The following L3MBTL2 variants were observed in gnomAD, a reference collection of about 807,000 sequenced individuals.
L3MBTL2 encodes lethal(3)malignant brain tumor-like protein 2.
Under a neutral mutation model 86.4 loss-of-function variants are expected in L3MBTL2, and 49 were observed. That is an observed-to-expected ratio of 0.57 (90% CI 0.45 to 0.72). L3MBTL2 has a LOEUF of 0.72. Among genes scored for constraint, L3MBTL2 ranks in the 30% least tolerant of loss-of-function variants. L3MBTL2 has a pLI of 0.00. For synonymous variants in L3MBTL2, 336 were observed against 350.6 expected (o/e 0.96, Z 0.47); for missense variants, 755 against 923.7 (o/e 0.82, Z 2.37).
At position 41,225,719 on chromosome 22, in the gene L3MBTL2, T is replaced by A; in HGVS notation, c.1357-75T>A. ...TGGATCCATTTGCCTCGTGTCCCTA[T>A]TGGGGTGCGGTACCAACCCAGGATG... On this transcript the variant is annotated intron_variant, in intron 11 of 16. Transcript: ENST00000216237. The surrounding 1 kb of genome is among the most constrained non-coding windows in gnomAD (Gnocchi z 4.1). 6.7e-7 allele frequency: 1 copy of A among 1,495,984 alleles called. No individual in the cohort carries two copies. The allele number at this position is 1,495,984 out of a possible 1,614,324, so 92.7% of individuals were successfully genotyped here.
At chr22:41,219,616 G>C (rs972107001) in intron 6 of L3MBTL2, 80 bp downstream of exon 6, 12 of 924,500 alleles carry the variant, frequency 1.3e-5, no homozygotes, top group Non-Finnish European at 2.1e-5. Context: ...TTGTAGGCAG[G>C]AGTTGGCTTC....
At chr22:41,222,103 A>G (rs958918295) in intron 8 of L3MBTL2, among the ~76,000 whole-genome samples, 8 of 147,022 alleles carry the variant, frequency 5.4e-5, no homozygotes, top group African/African-American at 1.8e-4. Flanking sequence ...GGGTTTCACC[A>G]TATTGGCCAG....
intron 2 of L3MBTL2, among the ~76,000 whole-genome samples, chr22:41,213,262 C>T (rs1241735379): frequency 6.6e-6 from 1 of 152,110 alleles, no homozygotes; most frequent in Non-Finnish European, 1.5e-5. Context: ...AGTCCCTTTA[C>T]TATATAGATG....
Position 41,224,278 on chromosome 22 carries a change from C to T in L3MBTL2, c.1174+27C>T, listed in dbSNP as rs368101196. The T allele has an allele frequency of 3.2e-6, 5 of 1,567,030 alleles. No homozygotes were observed. In the African/African-American group the frequency reaches 6.8e-5, roughly 21 times the overall value. On this transcript the variant is annotated intron_variant, in intron 9 of 16. Coordinates refer to ENST00000216237, the MANE Select transcript of L3MBTL2 (RefSeq NM_031488.5). This position sits in a 1 kb window ranked among gnomAD's most constrained non-coding sequence, Gnocchi z 4.9. The stretch of plus-strand genomic sequence containing the variant: ...TTAGCAGAGCCCCAGGCCAGAGGGA[C>T]TGCATGCTGTGCTTCCCCAGGGACG...
intron 3 of L3MBTL2, 147 bp downstream of exon 3, chr22:41,214,173 C>A: frequency 1.4e-6 from 1 of 715,430 alleles, no homozygotes; most frequent in Non-Finnish European, 2.3e-6. Context: ...CTTCAGAGGA[C>A]AGTAGAATCC....
rs1034215156 is a variant in L3MBTL2, at chr22:41,230,591, G to C, written c.*340G>C. 1.5e-5 allele frequency: 5 copies of C among 333,172 alleles called. No homozygotes were observed. The South Asian group carries it at 1.6e-4, about 11-fold the overall frequency. 20.6% of individuals were successfully genotyped at this position (333,172 alleles called of 1,614,324 possible). On this transcript the variant is annotated 3_prime_UTR_variant, in exon 17 of 17. Coordinates refer to ENST00000216237, the MANE Select transcript of L3MBTL2 (RefSeq NM_031488.5). ...CCCCGACCCGCCACGGCCCTCAGTTGCCAGGGATGGGGCCACCACTGTCAC... is the reference window on the plus strand; with the variant it reads ...CCCCGACCCGCCACGGCCCTCAGTTCCCAGGGATGGGGCCACCACTGTCAC...
At chr22:41,210,877 A>T (rs1392146614) in intron 2 of L3MBTL2, among the ~76,000 whole-genome samples, 1 of 152,234 alleles carries the variant, frequency 6.6e-6, no homozygotes, top group Non-Finnish European at 1.5e-5. Flanking sequence ...TAAGTATACC[A>T]TGGATTTCCA....
intron 6 of L3MBTL2, 22 bp from the exon 7 acceptor site, chr22:41,220,712 G>C: frequency 6.3e-7 from 1 of 1,600,000 alleles, no homozygotes; most frequent in Non-Finnish European, 8.5e-7. Flanking sequence ...TCCCTCACAG[G>C]TGCCCTTTCC....
Position 41,225,216 on chromosome 22 carries a change from T to A in L3MBTL2, c.1356+145T>A. 1 of 650,676 alleles carries A rather than the reference T, an allele frequency of 1.5e-6. No individual in the cohort carries two copies. The highest frequency in any genetic ancestry group is 2.6e-6 in the Non-Finnish European group (1 of 380,548). 40.3% of individuals were successfully genotyped at this position (650,676 alleles called of 1,614,324 possible). A position where few individuals can be genotyped will look rare whatever the true frequency, so the allele number is the denominator to read the frequency against. On this transcript the variant is annotated intron_variant, in intron 11 of 16. Transcript: ENST00000216237. The surrounding 1 kb of genome is among the most constrained non-coding windows in gnomAD (Gnocchi z 4.1). ...CTGCACCCAGAGTCCCTGACTTTTG[T>A]GAGTGGGGCCTGGCCTGCCCCTTGC...
In L3MBTL2 at chr22:41,225,113, G is replaced by C. The variant is rs371548323; in HGVS notation, c.1356+42G>C. On this transcript the variant is annotated intron_variant, in intron 11 of 16. Transcript: ENST00000216237. The surrounding 1 kb of genome is among the most constrained non-coding windows in gnomAD (Gnocchi z 4.1). ...CTCTCCAGCCTCCAGATTTCTGAGC[G>C]GGGGGACCCATGTGGCCCAGAGCTC... 9 of 1,533,488 alleles carry C rather than the reference G, an allele frequency of 5.9e-6. No individual in the cohort carries two copies. Among genetic ancestry groups the C allele is most frequent in the Middle Eastern group, 1.8e-4 (1 of 5,482 alleles). 95.0% of individuals were successfully genotyped at this position (1,533,488 alleles called of 1,614,324 possible).
chr22:41,208,465 C>A, intron 1 of L3MBTL2: 1 of 285,430 alleles, frequency 3.5e-6, no homozygotes, highest in Non-Finnish European at 7.0e-6. Context: ...TGGGTAGATT[C>A]ATATACATTA....
intron 4 of L3MBTL2, among the ~76,000 whole-genome samples, chr22:41,216,554 C>G (rs943131551): frequency 6.6e-6 from 1 of 152,148 alleles, no homozygotes; most frequent in Non-Finnish European, 1.5e-5. Context: ...TTCTGTTTCC[C>G]TGGGGCAACG....
At chr22:41,221,087 G>C (rs2031780021) in intron 7 of L3MBTL2, 112 bp from the exon 8 acceptor site, 2 of 1,008,028 alleles carry the variant, frequency 2.0e-6, no homozygotes, top group Admixed American at 2.7e-5. Flanking sequence ...TGAAGAGGCA[G>C]CTATTTTCAG....
chr22:41,209,572 TA>T, intron 1 of L3MBTL2, 123 bp from the exon 2 acceptor site: 1 of 743,086 alleles, frequency 1.3e-6, no homozygotes, highest in Non-Finnish European at 2.3e-6. Context: ...TTGGTGTTTG[TA>T]AAAGGGGTAT....
At chr22:41,223,234 A>G (rs915888420) in intron 8 of L3MBTL2, among the ~76,000 whole-genome samples, 2 of 152,182 alleles carry the variant, frequency 1.3e-5, no homozygotes, top group African/African-American at 4.8e-5. Flanking sequence ...GTGTTTGGAA[A>G]TAGCACTGCT....
At chr22:41,228,640 G>A (rs1319798460) in intron 15 of L3MBTL2, 2 of 381,552 alleles carry the variant, frequency 5.2e-6, no homozygotes, top group Non-Finnish European at 7.2e-6. Context: ...CATGAGGTCA[G>A]AAGTTCCAAG....
chr22:41,210,056 A>G, intron 2 of L3MBTL2, 123 bp downstream of exon 2: 1 of 1,353,294 alleles, frequency 7.4e-7, no homozygotes. Context: ...TCTGATTTCT[A>G]AGGGATCAGA....
intron 6 of L3MBTL2, among the ~76,000 whole-genome samples, chr22:41,220,299 G>A (rs925123680): frequency 1.1e-4 from 17 of 152,216 alleles, no homozygotes; most frequent in Admixed American, 1.0e-3. Flanking sequence ...GAATTTGTTT[G>A]GCTAGGACTG....
chr22:41,226,742 A>T lies in L3MBTL2; in HGVS notation c.1585A>T (p.Met529Leu). The change falls in exon 13 of 17, where the codon ATG becomes TTG. Residue 529 changes from methionine to leucine, a missense_variant and splice_region_variant. By Grantham distance (15) the Met-to-Leu change is conservative. Transcript: ENST00000216237. ...SKAAPSRLFN[M>L]DCPNHGFKVG... Reference sequence around the variant, plus strand: ...AGCCGCTCCATCGAGACTCTTTAACATGGTGAGGAGACTGAAGTGGAGCAA... The same window carrying T: ...AGCCGCTCCATCGAGACTCTTTAACTTGGTGAGGAGACTGAAGTGGAGCAA... The T allele has an allele frequency of 6.2e-7, 1 of 1,612,372 alleles. No homozygotes were observed. The highest frequency in any genetic ancestry group is 8.5e-7 in the Non-Finnish European group (1 of 1,178,492).
Sources: gnomAD v4.1 joint callset for allele counts (sites outside exome capture counted in the v4.1 genomes callset) on GRCh38, gnomAD v4.1.1 for gene constraint, Gnocchi (gnomAD v3.1) non-coding constraint, MANE v1.5 for transcripts, NCBI Gene and HGNC (gene_info 2026-07-23, HGNC 2026-07-21) for gene names.